ALG12: variants seen among roughly 807,000 people sequenced by gnomAD.
The protein encoded by ALG12 is ALG12 alpha-1,6-mannosyltransferase, also known as dol-P-Man:Man(7)GlcNAc(2)-PP-Dol alpha-1,6-mannosyltransferase.
A neutral mutation model predicts 46.0 loss-of-function variants in ALG12; 36 were observed. That is an observed-to-expected ratio of 0.78 (90% CI 0.60 to 1.03). ALG12 has a LOEUF of 1.03. Ranked by LOEUF, ALG12 falls within the 50% of genes least tolerant of loss-of-function variation. ALG12 has a pLI of 0.00. For missense variants in ALG12, 599 were observed against 633.5 expected (o/e 0.95, Z 0.58); for synonymous variants, 326 against 291.6 (o/e 1.12, Z -1.20).
the ALG12 span, among the ~76,000 whole-genome samples, chr22:49,879,401 AC>A: frequency 6.6e-6 from 1 of 151,962 alleles, no homozygotes; most frequent in Non-Finnish European, 1.5e-5. Context: ...TGCTGCGATT[AC>A]AGGTGTGAGC....
intron 6 of ALG12, 62 bp from the exon 7 acceptor site, chr22:49,908,006 A>C (rs2060553589): frequency 3.2e-6 from 5 of 1,549,746 alleles, no homozygotes; most frequent in Non-Finnish European, 4.4e-6. Flanking sequence ...GCTAGGTGGC[A>C]GGGTCAAGGT....
the ALG12 span, among the ~76,000 whole-genome samples, chr22:49,881,500 C>T: frequency 9.8e-5 from 15 of 152,322 alleles, no homozygotes; most frequent in South Asian, 3.1e-3. Flanking sequence ...ATCATGTCTC[C>T]TCAGCCTTCC....
At chr22:49,878,154 A>C in the ALG12 span, among the ~76,000 whole-genome samples, 5 of 152,058 alleles carry the variant, frequency 3.3e-5, no homozygotes, top group African/African-American at 4.8e-5. Flanking sequence ...AAAATACAAA[A>C]ATTAGCCAGA....
chr22:49,870,569 G>A, the ALG12 span, among the ~76,000 whole-genome samples: 1 of 152,190 alleles, frequency 6.6e-6, no homozygotes. Flanking sequence ...GCACTTCTCT[G>A]ATGACTGTTG....
chr22:49,868,424 G>A, the ALG12 span, among the ~76,000 whole-genome samples: 13 of 152,008 alleles, frequency 8.6e-5, no homozygotes, highest in East Asian at 2.5e-3. Flanking sequence ...CACAAAAAAT[G>A]CAAAAAATTA....
At chr22:49,882,423 A>G in the ALG12 span, among the ~76,000 whole-genome samples, 1 of 152,210 alleles carries the variant, frequency 6.6e-6, no homozygotes, top group Admixed American at 6.5e-5. Flanking sequence ...TCTTCAAAAA[A>G]AGTTTGTTAG....
chr22:49,881,681 AT>A, the ALG12 span, among the ~76,000 whole-genome samples: 1 of 151,886 alleles, frequency 6.6e-6, no homozygotes, highest in African/African-American at 2.4e-5. Context: ...CATACTTGGC[AT>A]TTTTTGTTTG....
At chr22:49,891,569 C>G in the ALG12 span, among the ~76,000 whole-genome samples, 1 of 152,166 alleles carries the variant, frequency 6.6e-6, no homozygotes, top group African/African-American at 2.4e-5. Context: ...CTTTAGGGCA[C>G]TGTCCTCATA....
the ALG12 span, among the ~76,000 whole-genome samples, chr22:49,874,487 G>A: frequency 6.6e-6 from 1 of 151,012 alleles, no homozygotes; most frequent in African/African-American, 2.4e-5. Flanking sequence ...CCAGGTTCAA[G>A]CGATTCTCCT....
the ALG12 span, chr22:49,885,416 C>T: frequency 1.9e-6 from 3 of 1,606,916 alleles, no homozygotes; most frequent in African/African-American, 4.0e-5. Context: ...TGTGGCCGGA[C>T]CATCAGCCGG....
the ALG12 span, chr22:49,884,826 C>T: frequency 3.7e-6 from 6 of 1,610,924 alleles, no homozygotes; most frequent in East Asian, 6.7e-5. Context: ...CGGCCTCCTC[C>T]TCCCCTGACA....
intron 5 of ALG12, among the ~76,000 whole-genome samples, chr22:49,909,627 T>C (rs574019553): frequency 6.6e-6 from 1 of 152,304 alleles, no homozygotes; most frequent in African/African-American, 2.4e-5. Flanking sequence ...AACCACCGCC[T>C]GGCGCAGGGA....
chr22:49,890,335 A>C, the ALG12 span, among the ~76,000 whole-genome samples: 1 of 152,108 alleles, frequency 6.6e-6, no homozygotes, highest in Non-Finnish European at 1.5e-5. Flanking sequence ...ACAACAACAA[A>C]ACAACATTTT....
intron 7 of ALG12, among the ~76,000 whole-genome samples, chr22:49,904,975 T>C (rs903936115): frequency 5.3e-5 from 8 of 152,160 alleles, no homozygotes; most frequent in African/African-American, 1.9e-4. Context: ...CCTGACCTCG[T>C]GATCTGCCCG....
chr22:49,882,100 G>C, the ALG12 span, among the ~76,000 whole-genome samples: 4 of 152,144 alleles, frequency 2.6e-5, no homozygotes, highest in Non-Finnish European at 4.4e-5. Context: ...TTCAGTTCTT[G>C]GTTCCTGCAT....
chr22:49,901,975 A>G lies in ALG12; in HGVS notation c.*1863T>C. 1 of 135,040 alleles carries G rather than the reference A, an allele frequency of 7.4e-6. No individual in the cohort carries two copies. The highest frequency in any genetic ancestry group is 1.5e-5 in the Non-Finnish European group (1 of 64,624). 8.4% of individuals were successfully genotyped at this position (135,040 alleles called of 1,614,324 possible). A position where few individuals can be genotyped will look rare whatever the true frequency, so the allele number is the denominator to read the frequency against. ...CACGTGTGCACTGTGTGTGGTGTGTATGCATGGTGTGTGCACGTGTGCACT... is the reference window on the plus strand; with the variant it reads ...CACGTGTGCACTGTGTGTGGTGTGTGTGCATGGTGTGTGCACGTGTGCACT... On this transcript the variant is annotated 3_prime_UTR_variant, in exon 10 of 10. Transcript: ENST00000330817.
chr22:49,912,209 G>A (rs2060582409), intron 3 of ALG12, among the ~76,000 whole-genome samples: 1 of 151,428 alleles, frequency 6.6e-6, no homozygotes, highest in Admixed American at 6.6e-5. Flanking sequence ...TTTGGCCTGT[G>A]GCAGGGGCTG....
the ALG12 span, chr22:49,886,663 C>A: frequency 1.2e-6 from 2 of 1,608,726 alleles, no homozygotes; most frequent in East Asian, 2.2e-5. The surrounding 1 kb of genome is among the most constrained non-coding windows in gnomAD (Gnocchi z 7.7). Context: ...CCACGACCCG[C>A]GGTACGTCTT....
the ALG12 span, among the ~76,000 whole-genome samples, chr22:49,873,066 T>C: frequency 6.6e-6 from 1 of 152,192 alleles, no homozygotes; most frequent in Non-Finnish European, 1.5e-5. Context: ...CCTGAGCTCA[T>C]GCAGTCCACC....
Sources: gnomAD v4.1 joint callset for allele counts (sites outside exome capture counted in the v4.1 genomes callset) on GRCh38, gnomAD v4.1.1 for gene constraint, Gnocchi (gnomAD v3.1) non-coding constraint, MANE v1.5 for transcripts, NCBI Gene and HGNC (gene_info 2026-07-23, HGNC 2026-07-21) for gene names.